The following RYR2 variants were observed in gnomAD, a reference collection of about 807,000 sequenced individuals.
The protein encoded by RYR2 is ryanodine receptor 2.
RYR2 carries 227 observed loss-of-function variants against 601.1 expected under a neutral mutation model. The observed-to-expected ratio is 0.38, with a 90% CI of 0.34 to 0.42. The LOEUF is 0.42. RYR2 is among the 10% of genes least tolerant of loss of function. The pLI is 1.00. For missense variants in RYR2, 4,646 were observed against 6,156.5 expected, an observed-to-expected ratio of 0.75 and a Z score of 8.21; for synonymous variants, 2,223 against 2,175.1, an observed-to-expected ratio of 1.02 and a Z score of -0.61.
At chr1:237,311,784 A>G (rs540729876) in intron 2 of RYR2, among the ~76,000 whole-genome samples, 1 of 152,268 alleles carries the variant, frequency 6.6e-6, no homozygotes, top group East Asian at 1.9e-4. Context: ...CGGGACTGAA[A>G]AAATCTTTAG....
Position 237,503,335 on chromosome 1 carries a change from C to T in RYR2, c.2443C>T (p.Pro815Ser), listed in dbSNP as rs758598064. ...GGRHGEFKFL[P>S]PPGYAPCYEA... Reference sequence around the variant, plus strand: ...GCGACATGGAGAATTCAAATTTCTTCCTCCACCTGGGTATGCTCCTTGTTA... The same window carrying T: ...GCGACATGGAGAATTCAAATTTCTTTCTCCACCTGGGTATGCTCCTTGTTA... The change falls in exon 22 of 105, where the codon CCT becomes TCT. Residue 815 changes from proline (P) to serine (S), a missense_variant. Pro to Ser is a moderately conservative substitution (Grantham distance 74, BLOSUM62 -1). Transcript: ENST00000366574. 3 of 1,613,708 alleles carry T rather than the reference C, an allele frequency of 1.9e-6. No individual in the cohort carries two copies. Among genetic ancestry groups the T allele is most frequent in the Non-Finnish European group, 2.5e-6 (3 of 1,179,774 alleles).
At chr1:237,795,431 T>G in intron 96 of RYR2, 100 bp downstream of exon 96, 1 of 616,334 alleles carries the variant, frequency 1.6e-6, no homozygotes, top group Non-Finnish European at 2.8e-6. Context: ...GTATAATTTA[T>G]CTGCCTATTA....
intron 27 of RYR2, among the ~76,000 whole-genome samples, 189 bp downstream of exon 27, chr1:237,550,880 A>G (rs1670316235): frequency 6.6e-6 from 1 of 152,152 alleles, no homozygotes; most frequent in Non-Finnish European, 1.5e-5. Flanking sequence ...GGGATGGCTC[A>G]GGATGCTGAT....
chr1:237,077,805 CA>C (rs1665172570), intron 1 of RYR2, among the ~76,000 whole-genome samples: 1 of 152,204 alleles, frequency 6.6e-6, no homozygotes, highest in East Asian at 1.9e-4. Flanking sequence ...CCATCCACCC[CA>C]AATCAACAGA....
intron 25 of RYR2, among the ~76,000 whole-genome samples, chr1:237,538,608 C>G (rs1668918973): frequency 6.6e-6 from 1 of 151,100 alleles, no homozygotes; most frequent in African/African-American, 2.4e-5. Context: ...CCTGTCTCTA[C>G]TAAAAATACA....
intron 1 of RYR2, among the ~76,000 whole-genome samples, chr1:237,176,300 A>G (rs1678054127): frequency 7.1e-6 from 1 of 140,504 alleles, no homozygotes; most frequent in Non-Finnish European, 1.5e-5. Flanking sequence ...ATATAAATAT[A>G]TATTTTTTTA....
At chr1:237,669,893 C>T (rs1317352819) in intron 58 of RYR2, among the ~76,000 whole-genome samples, 9 of 151,738 alleles carry the variant, frequency 5.9e-5, no homozygotes, top group African/African-American at 1.2e-4. Flanking sequence ...GGGTGGCGGC[C>T]GGGCAGAGGC....
At chr1:237,314,268 G>C (rs1011926325) in intron 2 of RYR2, among the ~76,000 whole-genome samples, 1 of 151,852 alleles carries the variant, frequency 6.6e-6, no homozygotes, top group African/African-American at 2.4e-5. Context: ...GTTTCACCAT[G>C]TTAGCCAGGA....
At chr1:237,398,951 T>C (rs1432371133) in intron 10 of RYR2, among the ~76,000 whole-genome samples, 2 of 152,196 alleles carry the variant, frequency 1.3e-5, no homozygotes, top group Non-Finnish European at 2.9e-5. Flanking sequence ...CCCAGCATTT[T>C]GGGAGGCCAA....
chr1:237,813,077 T>C lies in RYR2; in HGVS notation c.14433+4042T>C, dbSNP rs114031479. Among the ~76,000 whole-genome samples the C allele has an allele frequency of 1.7e-3, 263 of 152,196 alleles. 2 individuals carry two copies. The highest frequency in any genetic ancestry group is 5.7e-3 in the African/African-American group (237 of 41,522). On this transcript the variant is annotated intron_variant, in intron 100 of 104. Transcript: ENST00000366574. ...GAAGATGTGTTAAGGATCCTTCATC[T>C]CCTCTTCCATGCGCTGCCTTTAATA...
intron 1 of RYR2, among the ~76,000 whole-genome samples, chr1:237,265,536 G>A (rs1334213283): frequency 6.6e-6 from 1 of 152,156 alleles, no homozygotes; most frequent in Non-Finnish European, 1.5e-5. Flanking sequence ...TGGCCAGGCT[G>A]GTCTCGATCT....
intron 1 of RYR2, among the ~76,000 whole-genome samples, chr1:237,242,427 G>C (rs141334715): frequency 6.6e-6 from 1 of 151,846 alleles, no homozygotes; most frequent in African/African-American, 2.4e-5. Flanking sequence ...CCTAGACCAG[G>C]ACAATTTTAG....
intron 25 of RYR2, among the ~76,000 whole-genome samples, chr1:237,540,852 C>G (rs1433369682): frequency 6.6e-6 from 1 of 151,896 alleles, no homozygotes; most frequent in Non-Finnish European, 1.5e-5. Flanking sequence ...GGTGATATCT[C>G]TGAGGCATAG....
chr1:237,517,262 A>G (rs777200002), intron 24 of RYR2, among the ~76,000 whole-genome samples: 4 of 152,156 alleles, frequency 2.6e-5, no homozygotes, highest in African/African-American at 4.8e-5. Flanking sequence ...CTTCATTTAA[A>G]TATCACTTCC....
At chr1:237,287,309 G>A (rs1691673921) in intron 2 of RYR2, among the ~76,000 whole-genome samples, 1 of 152,158 alleles carries the variant, frequency 6.6e-6, no homozygotes, top group Non-Finnish European at 1.5e-5. Flanking sequence ...TTTTTGAGAT[G>A]AATTTCCCAG....
At chr1:237,132,155 GCT>G (rs1315137316) in intron 1 of RYR2, among the ~76,000 whole-genome samples, 2 of 152,198 alleles carry the variant, frequency 1.3e-5, no homozygotes, top group African/African-American at 4.8e-5. Flanking sequence ...CCTTTGCCTT[GCT>G]CTCTGTTTGG....
At chr1:237,247,684 G>T (rs1304360149) in intron 1 of RYR2, among the ~76,000 whole-genome samples, 1 of 152,150 alleles carries the variant, frequency 6.6e-6, no homozygotes, top group African/African-American at 2.4e-5. Flanking sequence ...GAAACATTTT[G>T]CAGAACAAAG....
At chr1:237,617,669 G>A (rs1678620728) in intron 38 of RYR2, among the ~76,000 whole-genome samples, 183 bp downstream of exon 38, 1 of 152,194 alleles carries the variant, frequency 6.6e-6, no homozygotes, top group East Asian at 1.9e-4. Flanking sequence ...TTACACAAAA[G>A]AGGGACTTAT....
In RYR2 at chr1:237,401,889, G is replaced by A. The variant is rs906059821; in HGVS notation, c.773+13706G>A. On this transcript the variant is annotated intron_variant, in intron 10 of 104. Coordinates refer to ENST00000366574, the MANE Select transcript of RYR2 (RefSeq NM_001035.3). Reference sequence around the variant, plus strand: ...AGCATAAACTGAGGTGTGATGTAATGGGCTCATGAATAACAAAGCCACTTC... The same window carrying A: ...AGCATAAACTGAGGTGTGATGTAATAGGCTCATGAATAACAAAGCCACTTC... Among the ~76,000 whole-genome samples, 11 of 152,104 alleles carry A rather than the reference G, an allele frequency of 7.2e-5. 1 individual carries two copies. The East Asian group carries it at 9.7e-4, about 13-fold the overall frequency.
Sources: allele counts gnomAD v4.1 joint callset (sites outside exome capture counted in the v4.1 genomes callset), GRCh38; gene constraint gnomAD v4.1.1; transcripts MANE v1.5; gene names NCBI Gene and HGNC (gene_info 2026-07-23, HGNC 2026-07-21).